Variants in CACNA2D4 observed in about 807,000 individuals in gnomAD.
CACNA2D4 encodes the protein calcium voltage-gated channel auxiliary subunit alpha2delta 4.
A neutral mutation model predicts 163.8 loss-of-function variants in CACNA2D4; 157 were observed. The ratio of observed to expected loss-of-function variants is 0.96; its 90% CI spans 0.84 to 1.09. CACNA2D4 has a LOEUF of 1.09. Ranked by LOEUF, CACNA2D4 falls within the 50% of genes least tolerant of loss-of-function variation. The pLI is 0.00. For synonymous variants in CACNA2D4, 598 were observed against 586.9 expected (o/e 1.02, Z -0.27); for missense variants, 1,410 against 1,479.9 (o/e 0.95, Z 0.78).
At chr12:1,902,245 C>T (rs1004087914) in intron 6 of CACNA2D4, among the ~76,000 whole-genome samples, 3 of 152,022 alleles carry the variant, frequency 2.0e-5, no homozygotes, top group Admixed American at 2.0e-4. Flanking sequence ...AACAGACCCA[C>T]AGCTAGTATC....
rs772974861 is a variant in CACNA2D4 at position 1,884,749 on chromosome 12, A to G, written c.1272+19T>C. ...GCAGGAGAAGCTTTTTTCTCCCTGG[A>G]CACCCGTGGGAGGGTCACCTTACAG... On this transcript the variant is annotated intron_variant, in intron 11 of 37. Transcript: ENST00000382722. The G allele has an allele frequency of 2.6e-6, 4 of 1,550,058 alleles. No homozygotes were observed. In the East Asian group the frequency reaches 9.0e-5, roughly 35 times the overall value.
In CACNA2D4 at chr12:1,816,651, G is replaced by A. The variant is rs183413673; in HGVS notation, c.2552-4928C>T. On this transcript the variant is annotated intron_variant, in intron 26 of 37. Coordinates refer to ENST00000382722, the MANE Select transcript of CACNA2D4 (RefSeq NM_172364.5). The stretch of plus-strand genomic sequence containing the variant: ...CCTCAATAAGGCCAGACCCGCAGGC[G>A]GCTTATCAAGATGTACGTCTTTGCT... Among the ~76,000 whole-genome samples, 425 of 152,354 alleles carry A rather than the reference G, an allele frequency of 2.8e-3. 4 individuals are homozygous for A. Among genetic ancestry groups the A allele is most frequent in the African/African-American group, 9.7e-3 (404 of 41,576 alleles).
At chr12:1,852,413 T>C (rs1411843668) in intron 23 of CACNA2D4, among the ~76,000 whole-genome samples, 2 of 152,184 alleles carry the variant, frequency 1.3e-5, no homozygotes, top group Non-Finnish European at 2.9e-5. Flanking sequence ...CTCATGCCTG[T>C]AATCCCATCA....
At position 1,844,793 on chromosome 12, in the gene CACNA2D4, CT is replaced by C. The variant is rs1372655614; in HGVS notation, c.2343-265del. 6.6e-6 allele frequency among the ~76,000 whole-genome samples: 1 copy of C among 152,154 alleles called. No individual in the cohort carries two copies. Among genetic ancestry groups the C allele is most frequent in the African/African-American group, 2.4e-5 (1 of 41,426 alleles). ...TCCATTTTTATGTAAACTCTTTTGC[CT>C]GCAGGGATTCTTTCTTTTGGATAGA... On this transcript the variant is annotated intron_variant, in intron 24 of 37. Coordinates refer to ENST00000382722, the MANE Select transcript of CACNA2D4 (RefSeq NM_172364.5). The surrounding 1 kb of genome is among the most constrained non-coding windows in gnomAD (Gnocchi z 4.2).
intron 18 of CACNA2D4, among the ~76,000 whole-genome samples, chr12:1,866,207 CTT>C (rs1470032754): frequency 2.6e-5 from 4 of 152,300 alleles, no homozygotes; most frequent in Non-Finnish European, 4.4e-5. Context: ...GTCAAATGCT[CTT>C]TTAGCATCTA....
intron 27 of CACNA2D4, among the ~76,000 whole-genome samples, chr12:1,811,054 C>T (rs765868419): frequency 3.9e-5 from 6 of 152,280 alleles, no homozygotes; most frequent in African/African-American, 4.8e-5. Flanking sequence ...GGTGGGTGAC[C>T]GCAGCCCCCT....
In CACNA2D4 at chr12:1,866,470, A is replaced by G. The variant is rs78203248; in HGVS notation, c.1879-6264T>C. ...ATAAAATATAGTCTTTTATTAACCC[A>G]CATTATTTATCATTTCCAGTATGGT... On this transcript the variant is annotated intron_variant, in intron 18 of 37. Coordinates refer to ENST00000382722, the MANE Select transcript of CACNA2D4 (RefSeq NM_172364.5). Among the ~76,000 whole-genome samples, 503 of 152,312 alleles carry G rather than the reference A, an allele frequency of 3.3e-3. 1 individual carries two copies. Among genetic ancestry groups the G allele is most frequent in the African/African-American group, 0.012 (492 of 41,568 alleles).
intron 26 of CACNA2D4, among the ~76,000 whole-genome samples, chr12:1,813,800 G>A (rs968995235): frequency 6.6e-6 from 1 of 152,112 alleles, no homozygotes; most frequent in African/African-American, 2.4e-5. Flanking sequence ...GGAAGGGGAC[G>A]GGGAGACCCA....
chr12:1,805,919 G>A (rs558666082), intron 29 of CACNA2D4, among the ~76,000 whole-genome samples: 1 of 152,336 alleles, frequency 6.6e-6, no homozygotes, highest in East Asian at 1.9e-4. Flanking sequence ...AAGGTGAGAG[G>A]GATTCAGAGA....
At chr12:1,838,276 C>G (rs1054291471) in intron 26 of CACNA2D4, among the ~76,000 whole-genome samples, 1 of 152,178 alleles carries the variant, frequency 6.6e-6, no homozygotes, top group Non-Finnish European at 1.5e-5. Flanking sequence ...CCACTGCCCC[C>G]GTGGCTGGGC....
chr12:1,886,290 A>G lies in CACNA2D4; in HGVS notation c.926T>C (p.Ile309Thr), dbSNP rs775273596. 3.1e-6 allele frequency: 5 copies of G among 1,613,668 alleles called. No individual in the cohort carries two copies. The South Asian group carries it at 5.5e-5, about 18-fold the overall frequency. The change falls in exon 8 of 38, where the codon ATT (isoleucine) becomes ACT (threonine). Residue 309 changes from isoleucine (I) to threonine (T), a missense_variant. Transcript: ENST00000382722. ...SGSMKGLRMTIAKHTITTILD... is the reference protein window; with the variant it reads ...SGSMKGLRMTTAKHTITTILD... ...GATGGTGGTGATGGTGTGCTTGGCA[A>G]TAGTCATCCTCAGCCCCTTCATACT... is the stretch of plus-strand genomic sequence containing the variant.
At position 1,834,423 on chromosome 12, in the gene CACNA2D4, C is replaced by T; in HGVS notation, c.2551+6316G>A. ...ATTCCTGGGCCACCCTGCACCAAGG[C>T]CAGTCCAGAGCCTGCTAAGCCCAAG... On this transcript the variant is annotated intron_variant, in intron 26 of 37. Coordinates refer to ENST00000382722, the MANE Select transcript of CACNA2D4 (RefSeq NM_172364.5). The surrounding 1 kb of genome is among the most constrained non-coding windows in gnomAD (Gnocchi z 7.6). 6.2e-7 allele frequency: 1 copy of T among 1,612,950 alleles called. No individual in the cohort carries two copies. The highest frequency in any genetic ancestry group is 8.5e-7 in the Non-Finnish European group (1 of 1,180,014).
chr12:1,834,914 G>T lies in CACNA2D4; in HGVS notation c.2551+5825C>A. On this transcript the variant is annotated intron_variant, in intron 26 of 37. Transcript: ENST00000382722. The surrounding 1 kb of genome is among the most constrained non-coding windows in gnomAD (Gnocchi z 7.6). ...CTCCCTGAAAGCCACCGTGCTGGGGGCTCCTGCTGATGCTCCTGTCTGGGC... is the reference window on the plus strand; with the variant it reads ...CTCCCTGAAAGCCACCGTGCTGGGGTCTCCTGCTGATGCTCCTGTCTGGGC... 9 of 1,063,804 alleles carry T rather than the reference G, an allele frequency of 8.5e-6. No individual in the cohort carries two copies. Among genetic ancestry groups the T allele is most frequent in the Non-Finnish European group, 1.2e-5 (9 of 766,904 alleles). The allele number at this position is 1,063,804 out of a possible 1,614,324, so 65.9% of individuals were successfully genotyped here.
At chr12:1,918,111 T>C in intron 1 of CACNA2D4, 136 bp downstream of exon 1, 2 of 683,014 alleles carry the variant, frequency 2.9e-6, no homozygotes, top group Non-Finnish European at 5.2e-6. Flanking sequence ...AAGAGAGTGG[T>C]CAGTCGCAGC....
rs1056741550 is a variant in CACNA2D4, at chr12:1,820,656, G to A, written c.2552-8933C>T. The A allele has an allele frequency of 1.3e-5, 2 of 152,358 alleles. No homozygotes were observed. The highest frequency in any genetic ancestry group is 1.9e-4 in the East Asian group (1 of 5,204). The allele number at this position is 152,358 out of a possible 1,614,324, so 9.4% of individuals were successfully genotyped here. ...TCCACCTCCTGGTGCTGTGTGCTGCGTGCCAGCCGCTGCTCCCGCTGAGTG... is the reference window on the plus strand; with the variant it reads ...TCCACCTCCTGGTGCTGTGTGCTGCATGCCAGCCGCTGCTCCCGCTGAGTG... On this transcript the variant is annotated intron_variant, in intron 26 of 37. Transcript: ENST00000382722. The surrounding 1 kb of genome is among the most constrained non-coding windows in gnomAD (Gnocchi z 6.0).
At chr12:1,873,257 T>C (rs1429097022) in intron 18 of CACNA2D4, among the ~76,000 whole-genome samples, 1 of 152,218 alleles carries the variant, frequency 6.6e-6, no homozygotes. Context: ...GTCATCCTCA[T>C]TGAACGTTCT....
At chr12:1,881,417 G>A (rs897400472) in intron 13 of CACNA2D4, among the ~76,000 whole-genome samples, 1 of 152,220 alleles carries the variant, frequency 6.6e-6, no homozygotes, top group African/African-American at 2.4e-5. Flanking sequence ...GCCTATGCCC[G>A]GCTTCTCTCA....
At chr12:1,840,282 C>T (rs1864985367) in intron 26 of CACNA2D4, among the ~76,000 whole-genome samples, 1 of 151,984 alleles carries the variant, frequency 6.6e-6, no homozygotes, top group African/African-American at 2.4e-5. Context: ...TAAAAGAGCT[C>T]TGCCCGCCAG....
intron 6 of CACNA2D4, among the ~76,000 whole-genome samples, chr12:1,892,739 A>G (rs1020325399): frequency 1.3e-5 from 2 of 152,222 alleles, no homozygotes; most frequent in Non-Finnish European, 2.9e-5. Flanking sequence ...TATGCTGCCT[A>G]GAAGAAACTC....
Sources: gnomAD v4.1 joint callset for allele counts (sites outside exome capture counted in the v4.1 genomes callset) on GRCh38, gnomAD v4.1.1 for gene constraint, Gnocchi (gnomAD v3.1) non-coding constraint, MANE v1.5 for transcripts, NCBI Gene and HGNC (gene_info 2026-07-23, HGNC 2026-07-21) for gene names.